The following ZNF804B variants were observed in gnomAD, a reference collection of about 807,000 sequenced individuals.
The protein encoded by ZNF804B is zinc finger protein 804B.
ZNF804B carries 80 observed loss-of-function variants against 101.4 expected under a neutral mutation model. The observed-to-expected ratio is 0.79, with a 90% CI of 0.66 to 0.95. The LOEUF (loss-of-function observed/expected upper bound fraction) is 0.95. Ranked by LOEUF, ZNF804B falls within the 40% of genes least tolerant of loss-of-function variation. ZNF804B has a pLI of 0.00. For synonymous variants in ZNF804B, 622 were observed against 558.8 expected (o/e 1.11, Z -1.59); for missense variants, 1,673 against 1,561.9 (o/e 1.07, Z -1.20).
intron 1 of ZNF804B, among the ~76,000 whole-genome samples, chr7:88,814,105 T>A (rs779676166): frequency 1.5e-4 from 23 of 152,306 alleles, no homozygotes; most frequent in Non-Finnish European, 2.8e-4. Flanking sequence ...ATGTTATATA[T>A]TCTGCTCTTG....
At chr7:89,178,777 A>C (rs1261693577) in intron 1 of ZNF804B, among the ~76,000 whole-genome samples, 2 of 152,118 alleles carry the variant, frequency 1.3e-5, no homozygotes, top group East Asian at 3.9e-4. Flanking sequence ...TGCATTTAAA[A>C]GATTTCTTAT....
intron 2 of ZNF804B, among the ~76,000 whole-genome samples, chr7:89,233,979 A>G (rs1001353109): frequency 2.0e-5 from 3 of 152,218 alleles, no homozygotes; most frequent in African/African-American, 7.2e-5. Flanking sequence ...TAAAAGCCTT[A>G]GCATTTTCCA....
At chr7:88,987,986 C>A (rs1220622349) in intron 1 of ZNF804B, among the ~76,000 whole-genome samples, 1 of 151,738 alleles carries the variant, frequency 6.6e-6, no homozygotes, top group Non-Finnish European at 1.5e-5. Context: ...CCTTCCTTTT[C>A]TTCTCAGCCT....
chr7:88,894,726 G>A (rs1156478662), intron 1 of ZNF804B, among the ~76,000 whole-genome samples: 1 of 152,146 alleles, frequency 6.6e-6, no homozygotes, highest in Non-Finnish European at 1.5e-5. Flanking sequence ...AAACTTAAAT[G>A]CTATTGCTAC....
intron 1 of ZNF804B, among the ~76,000 whole-genome samples, chr7:88,873,295 TTGCACACTTTTTGA>T (rs1562819026): frequency 6.6e-6 from 1 of 152,234 alleles, no homozygotes; most frequent in African/African-American, 2.4e-5. Context: ...TTCATGTCCT[TTGCACACTTTTTGA>T]TGGGGTTGTT....
chr7:89,085,650 ACT>A (rs1364257900), intron 1 of ZNF804B, among the ~76,000 whole-genome samples: 22 of 151,696 alleles, frequency 1.5e-4, no homozygotes, highest in Middle Eastern at 3.4e-3. Context: ...TCTCTGTGAC[ACT>A]CTGCAGGATT....
chr7:88,807,527 T>A (rs1198010490), intron 1 of ZNF804B, among the ~76,000 whole-genome samples: 1 of 152,178 alleles, frequency 6.6e-6, no homozygotes, highest in Non-Finnish European at 1.5e-5. Flanking sequence ...TGCAGCAATA[T>A]CTGGGAAATA....
rs1793551762 is a variant in ZNF804B, at chr7:88,972,366, T to A, written c.108+212282T>A. On this transcript the variant is annotated intron_variant, in intron 1 of 3. Transcript: ENST00000333190. ...TTATCTCTTGGTAGTAATACCCAAT[T>A]TATTTTATTATAAATCATGTATTTA... Among the ~76,000 whole-genome samples the A allele has an allele frequency of 4.6e-5, 7 of 151,472 alleles. No individual in the cohort carries two copies. In the Admixed American group the frequency reaches 4.6e-4, roughly 10 times the overall value.
At chr7:89,016,042 G>C (rs1238296283) in intron 1 of ZNF804B, among the ~76,000 whole-genome samples, 3 of 152,210 alleles carry the variant, frequency 2.0e-5, no homozygotes, top group Admixed American at 6.5e-5. Context: ...ACTGGTGTGA[G>C]ATGGTATCTC....
intron 1 of ZNF804B, among the ~76,000 whole-genome samples, chr7:88,945,388 C>A (rs1438800660): frequency 6.6e-6 from 1 of 152,020 alleles, no homozygotes; most frequent in Non-Finnish European, 1.5e-5. Context: ...TGTCAAAGAT[C>A]AGTTAGTTGT....
intron 1 of ZNF804B, among the ~76,000 whole-genome samples, chr7:88,889,516 A>C (rs1311769930): frequency 6.6e-6 from 1 of 151,858 alleles, no homozygotes; most frequent in Non-Finnish European, 1.5e-5. Flanking sequence ...GTTTTAATTT[A>C]CATTTCTCTG....
chr7:88,813,357 G>A lies in ZNF804B; in HGVS notation c.108+53273G>A, dbSNP rs559986884. On this transcript the variant is annotated intron_variant, in intron 1 of 3. Transcript: ENST00000333190. ...CAGGAGAATGGCGAACCTGGGAGGC[G>A]GAGCTTGCAGTGAGCCGAGATCACG... Among the ~76,000 whole-genome samples, 3 of 151,208 alleles carry A rather than the reference G, an allele frequency of 2.0e-5. No individual in the cohort carries two copies. In the East Asian group the frequency reaches 5.8e-4, roughly 29 times the overall value.
chr7:88,983,506 T>C (rs1793720187), intron 1 of ZNF804B, among the ~76,000 whole-genome samples: 1 of 152,066 alleles, frequency 6.6e-6, no homozygotes, highest in Non-Finnish European at 1.5e-5. Context: ...GATACTACAC[T>C]GTCCAATACT....
intron 1 of ZNF804B, among the ~76,000 whole-genome samples, chr7:89,200,878 A>T (rs934747298): frequency 6.6e-6 from 1 of 151,708 alleles, no homozygotes; most frequent in African/African-American, 2.4e-5. Context: ...TTCTCTTTCT[A>T]TCTCCATGTT....
intron 1 of ZNF804B, among the ~76,000 whole-genome samples, chr7:88,904,790 C>T (rs144276141): frequency 6.6e-6 from 1 of 152,186 alleles, no homozygotes; most frequent in East Asian, 1.9e-4. Context: ...GATTTTTATA[C>T]GTTGATTTTG....
chr7:89,314,454 A>T (rs1309191479), intron 2 of ZNF804B, among the ~76,000 whole-genome samples: 1 of 152,142 alleles, frequency 6.6e-6, no homozygotes, highest in Non-Finnish European at 1.5e-5. Context: ...AAATACTCTC[A>T]ATGGAATCCC....
intron 1 of ZNF804B, among the ~76,000 whole-genome samples, chr7:89,208,001 T>C (rs984739819): frequency 1.3e-5 from 2 of 152,184 alleles, no homozygotes; most frequent in African/African-American, 4.8e-5. Context: ...ACTGATAGTC[T>C]TTCCATTTTG....
intron 2 of ZNF804B, among the ~76,000 whole-genome samples, chr7:89,323,301 C>G (rs1381140913): frequency 6.6e-6 from 1 of 152,166 alleles, no homozygotes; most frequent in East Asian, 1.9e-4. Flanking sequence ...TGACTAAAAC[C>G]ACACTAGAAT....
At chr7:88,803,395 A>C (rs1045940277) in intron 1 of ZNF804B, among the ~76,000 whole-genome samples, 3 of 152,198 alleles carry the variant, frequency 2.0e-5, no homozygotes, top group Non-Finnish European at 2.9e-5. Flanking sequence ...GAAATTACTA[A>C]GAAACAGTCC....
Sources: allele counts gnomAD v4.1 joint callset (sites outside exome capture counted in the v4.1 genomes callset), GRCh38; gene constraint gnomAD v4.1.1; transcripts MANE v1.5; gene names NCBI Gene and HGNC (gene_info 2026-07-23, HGNC 2026-07-21).